KATNIP: variants seen among roughly 807,000 people sequenced by gnomAD.
KATNIP encodes katanin interacting protein, also known as katanin-interacting protein.
KATNIP carries 126 observed loss-of-function variants against 174.0 expected under a neutral mutation model. The ratio of observed to expected loss-of-function variants is 0.72; its 90% CI spans 0.63 to 0.84. The LOEUF is 0.84. Among genes scored for constraint, KATNIP ranks in the 40% least tolerant of loss-of-function variants. The probability of loss-of-function intolerance (pLI) is 0.00; values close to 1 mark genes in which losing one functional copy is unlikely to be tolerated. For synonymous variants in KATNIP, 810 were observed against 835.7 expected (o/e 0.97, Z 0.53); for missense variants, 1,958 against 2,109.7 (o/e 0.93, Z 1.41).
chr16:27,568,952 C>T (rs1437531416), intron 1 of KATNIP, among the ~76,000 whole-genome samples: 1 of 152,114 alleles, frequency 6.6e-6, no homozygotes, highest in South Asian at 2.1e-4. Context: ...TCCACCCCCA[C>T]CACTCCCCTC....
In KATNIP at chr16:27,777,506, C is replaced by G. The variant is rs1387712518; in HGVS notation, c.4552-104C>G. 5.3e-6 allele frequency: 6 copies of G among 1,131,894 alleles called. No homozygotes were observed. The highest frequency in any genetic ancestry group is 7.4e-6 in the Non-Finnish European group (6 of 808,524). The allele number at this position is 1,131,894 out of a possible 1,614,324, so 70.1% of individuals were successfully genotyped here. ...AGGCGCTTGTTCCTGACAGCCCCGT[C>G]TTCCCGAGGAGAAAGCCTTGGCTCA... On this transcript the variant is annotated intron_variant, in intron 25 of 27. Coordinates refer to ENST00000261588, the MANE Select transcript of KATNIP (RefSeq NM_015202.5). This position sits in a 1 kb window ranked among gnomAD's most constrained non-coding sequence, Gnocchi z 4.4.
At chr16:27,668,132 T>G (rs1234026145) in intron 6 of KATNIP, among the ~76,000 whole-genome samples, 2 of 152,206 alleles carry the variant, frequency 1.3e-5, no homozygotes, top group Non-Finnish European at 2.9e-5. Flanking sequence ...CCCCTGACTT[T>G]CATCCCTCTC....
chr16:27,729,077 T>C (rs1761696334), intron 14 of KATNIP, among the ~76,000 whole-genome samples: 1 of 152,202 alleles, frequency 6.6e-6, no homozygotes, highest in Admixed American at 6.5e-5. Flanking sequence ...ATTCTCTTGG[T>C]ACCAAAGGAC....
chr16:27,750,200 A>G lies in KATNIP; in HGVS notation c.3240A>G (p.Lys1080=). ...VALIRIWNYN[K]SRIHSFRGVK... ...TGATCAGAATTTGGAACTACAATAAATCTCGGATACATTCCTTCCGAGGCG... is the reference window on the plus strand; with the variant it reads ...TGATCAGAATTTGGAACTACAATAAGTCTCGGATACATTCCTTCCGAGGCG... The change falls in exon 16 of 28, where the codon AAA becomes AAG. Residue 1080 remains lysine, a synonymous_variant. Transcript: ENST00000261588. The G allele has an allele frequency of 6.2e-7, 1 of 1,614,034 alleles. No homozygotes were observed. The highest frequency in any genetic ancestry group is 8.5e-7 in the Non-Finnish European group (1 of 1,180,002).
intron 5 of KATNIP, among the ~76,000 whole-genome samples, chr16:27,641,004 G>A (rs1385660792): frequency 6.6e-6 from 1 of 152,106 alleles, no homozygotes; most frequent in African/African-American, 2.4e-5. Flanking sequence ...CGGACATGGT[G>A]GTGAATGTCT....
intron 19 of KATNIP, among the ~76,000 whole-genome samples, chr16:27,763,062 A>G (rs1316701058): frequency 1.3e-5 from 2 of 152,150 alleles, no homozygotes; most frequent in Non-Finnish European, 2.9e-5. Context: ...TCATGCCCAT[A>G]ATCCCAGCAT....
chr16:27,685,344 T>C (rs1272020017), intron 8 of KATNIP: 8 of 152,096 alleles, frequency 5.3e-5, no homozygotes, highest in Non-Finnish European at 1.5e-5. Flanking sequence ...TGAGCTGAGA[T>C]TGGACCACTG....
At chr16:27,729,078 A>C (rs921422594) in intron 14 of KATNIP, among the ~76,000 whole-genome samples, 9 of 152,310 alleles carry the variant, frequency 5.9e-5, no homozygotes, top group Middle Eastern at 6.8e-3. Flanking sequence ...TTCTCTTGGT[A>C]CCAAAGGACA....
intron 6 of KATNIP, among the ~76,000 whole-genome samples, chr16:27,660,693 G>A (rs919978648): frequency 1.3e-5 from 2 of 148,448 alleles, no homozygotes; most frequent in Non-Finnish European, 3.0e-5. Context: ...CTATAATGCA[G>A]TGGCTATTCA....
intron 6 of KATNIP, among the ~76,000 whole-genome samples, chr16:27,666,427 GTTTTGT>G (rs1414522845): frequency 1.3e-5 from 2 of 151,534 alleles, no homozygotes; most frequent in Non-Finnish European, 2.9e-5. Flanking sequence ...GTTTTGTTTT[GTTTTGT>G]TTTTGACAGA....
chr16:27,604,983 C>T (rs1326448869), intron 2 of KATNIP, among the ~76,000 whole-genome samples: 2 of 152,192 alleles, frequency 1.3e-5, no homozygotes, highest in Non-Finnish European at 1.5e-5. Flanking sequence ...GGCTGGAGTG[C>T]AGTGGCGTGA....
In KATNIP at chr16:27,761,484, G is replaced by A. The variant is rs1294984292; in HGVS notation, c.3703G>A (p.Gly1235Ser). Residue 1235 changes from glycine (G) to serine (S), a missense_variant, in exon 19 of 28, where the codon GGC becomes AGC. Transcript: ENST00000261588. ...GGGGCTCACTGGCCTGGAAGTGGTG[G>A]GCAAGGAGGGCCAGGCGCTGCCCAT... is the stretch of plus-strand genomic sequence containing the variant. The part of the protein sequence containing the change: ...YLGLTGLEVV[G>S]KEGQALPIHL... The A allele has an allele frequency of 1.9e-6, 3 of 1,614,108 alleles. No individual in the cohort carries two copies. The highest frequency in any genetic ancestry group is 2.5e-6 in the Non-Finnish European group (3 of 1,180,026).
At chr16:27,555,729 G>C (rs1189265849) in intron 1 of KATNIP, among the ~76,000 whole-genome samples, 1 of 152,116 alleles carries the variant, frequency 6.6e-6, no homozygotes, top group African/African-American at 2.4e-5. Flanking sequence ...CCAGCCACTT[G>C]GGGGGCTGAG....
chr16:27,746,807 G>A lies in KATNIP; in HGVS notation c.2624-2777G>A, dbSNP rs982836588. On this transcript the variant is annotated intron_variant, in intron 15 of 27. Transcript: ENST00000261588. ...GAGCTGAAAGATCATGGTGGGGAGC[G>A]CAGAGGGGAGGGGACAGGAGTCAGT... Among the ~76,000 whole-genome samples the A allele has an allele frequency of 9.2e-5, 14 of 152,270 alleles. No homozygotes were observed. The East Asian group carries it at 1.4e-3, about 15-fold the overall frequency.
At chr16:27,658,124 G>A (rs2077357027) in intron 6 of KATNIP, among the ~76,000 whole-genome samples, 1 of 152,078 alleles carries the variant, frequency 6.6e-6, no homozygotes, top group Non-Finnish European at 1.5e-5. Context: ...AAATACCCAG[G>A]TCTTACCACT....
At chr16:27,562,223 C>T (rs1002152635) in intron 1 of KATNIP, among the ~76,000 whole-genome samples, 2 of 152,146 alleles carry the variant, frequency 1.3e-5, no homozygotes, top group Non-Finnish European at 2.9e-5. Context: ...GGGCGGATCA[C>T]TGAAGCCCAG....
intron 1 of KATNIP, among the ~76,000 whole-genome samples, chr16:27,567,586 C>T (rs1349708307): frequency 1.3e-5 from 2 of 152,118 alleles, no homozygotes; most frequent in Non-Finnish European, 2.9e-5. Context: ...TGCAGTGGCA[C>T]GATCTTGACT....
chr16:27,712,543 C>T (rs964810861), intron 13 of KATNIP, among the ~76,000 whole-genome samples: 1 of 152,118 alleles, frequency 6.6e-6, no homozygotes, highest in African/African-American at 2.4e-5. Flanking sequence ...TACCTAGAAG[C>T]GGAGGCTGGG....
intron 14 of KATNIP, among the ~76,000 whole-genome samples, chr16:27,734,255 G>A (rs1354145972): frequency 1.3e-5 from 2 of 151,780 alleles, no homozygotes; most frequent in Non-Finnish European, 2.9e-5. Context: ...GCTAATTTTT[G>A]TATTTTTAAT....
Sources: allele counts gnomAD v4.1 joint callset (sites outside exome capture counted in the v4.1 genomes callset), GRCh38; gene constraint gnomAD v4.1.1; non-coding constraint Gnocchi (gnomAD v3.1); transcripts MANE v1.5; gene names NCBI Gene and HGNC (gene_info 2026-07-23, HGNC 2026-07-21).